The following DENND1A variants were observed in gnomAD, a reference collection of about 807,000 sequenced individuals.
DENND1A encodes the protein DENN domain-containing protein 1A.
DENND1A carries 51 observed loss-of-function variants against 113.7 expected under a neutral mutation model. That is an observed-to-expected ratio of 0.45 (90% confidence interval 0.36 to 0.57). The LOEUF (loss-of-function observed/expected upper bound fraction) is 0.57. Ranked by LOEUF, DENND1A falls within the 20% of genes least tolerant of loss-of-function variation. The pLI is 0.00. For missense variants in DENND1A, 1,258 were observed against 1,395.9 expected (o/e 0.90, Z 1.57); for synonymous variants, 565 against 570.8 (o/e 0.99, Z 0.14).
intron 1 of DENND1A, among the ~76,000 whole-genome samples, chr9:123,921,912 C>CTT (rs113646800): frequency 2.5e-4 from 36 of 143,764 alleles, no homozygotes; most frequent in African/African-American, 4.9e-4. Context: ...CAAAGCCATC[C>CTT]TTTTTTTTTT....
At position 123,387,788 on chromosome 9, in the gene DENND1A, C is replaced by T. The variant is rs961013242; in HGVS notation, c.1702G>A (p.Glu568Lys). Residue 568 changes from glutamate to lysine, a missense_variant, in exon 22 of 24, where the codon GAA becomes AAA. Physicochemically the swap from Glu to Lys is moderately conservative, Grantham distance 56 (BLOSUM62 1). Transcript: ENST00000394215. ...EDSSDDECQR[E>K]EGPSSGFTES... is the part of the protein sequence containing the mutation. The stretch of plus-strand genomic sequence containing the variant: ...GTGAAGCCAGAGCTCGGGCCCTCTT[C>T]CCGCTGGCATTCATCATCAGAGGAG... 1.6e-5 allele frequency: 20 copies of T among 1,289,834 alleles called. No individual in the cohort carries two copies. Among genetic ancestry groups the T allele is most frequent in the Non-Finnish European group, 1.8e-5 (18 of 988,906 alleles). The allele number at this position is 1,289,834 out of a possible 1,614,324, so 79.9% of individuals were successfully genotyped here.
chr9:123,845,652 C>A (rs1368835062), intron 2 of DENND1A, among the ~76,000 whole-genome samples: 2 of 97,132 alleles, frequency 2.1e-5, no homozygotes, highest in African/African-American at 9.0e-5. Flanking sequence ...CCTGGGTGAC[C>A]AAGTGAGAAC....
chr9:123,582,678 T>C (rs1195596195), intron 12 of DENND1A, among the ~76,000 whole-genome samples: 3 of 149,962 alleles, frequency 2.0e-5, no homozygotes, highest in Admixed American at 6.7e-5. Context: ...GGATTACAGG[T>C]GTGAGCCACT....
rs564460931 is a variant in DENND1A at position 123,916,363 on chromosome 9, C to T, written c.17+13526G>A. On this transcript the variant is annotated intron_variant, in intron 1 of 23. Transcript: ENST00000394215. ...GCAAGAGGAGATGTGAATATATCTA[C>T]GTATTTGCTTTTTTTTTTTTTTTTT... is the stretch of plus-strand genomic sequence containing the variant. Among the ~76,000 whole-genome samples the T allele has an allele frequency of 2.2e-3, 321 of 145,248 alleles. 4 individuals carry two copies. Among genetic ancestry groups the T allele is most frequent in the African/African-American group, 7.9e-3 (300 of 38,058 alleles).
At chr9:123,820,409 A>C (rs952848533) in intron 2 of DENND1A, among the ~76,000 whole-genome samples, 5 of 152,182 alleles carry the variant, frequency 3.3e-5, no homozygotes, top group Non-Finnish European at 5.9e-5. Flanking sequence ...CTCAGGCTGG[A>C]CTTCTGAATG....
chr9:123,858,808 C>T (rs1375552916), intron 2 of DENND1A, among the ~76,000 whole-genome samples: 2 of 152,028 alleles, frequency 1.3e-5, no homozygotes, highest in African/African-American at 2.4e-5. Context: ...ATTCCATAAA[C>T]AATTTGAAAT....
intron 11 of DENND1A, among the ~76,000 whole-genome samples, chr9:123,602,087 G>A (rs1036142538): frequency 3.9e-5 from 6 of 152,200 alleles, no homozygotes; most frequent in East Asian, 1.9e-4. Flanking sequence ...AATTACAGTC[G>A]TCTCTCAGTA....
intron 5 of DENND1A, among the ~76,000 whole-genome samples, chr9:123,708,118 T>C (rs1197529264): frequency 1.3e-5 from 2 of 152,010 alleles, no homozygotes; most frequent in African/African-American, 4.8e-5. Context: ...GGCTTCATAA[T>C]AGCAGTGTTT....
intron 1 of DENND1A, among the ~76,000 whole-genome samples, chr9:123,885,011 A>G (rs1319395210): frequency 1.3e-5 from 2 of 149,408 alleles, no homozygotes; most frequent in African/African-American, 5.1e-5. Flanking sequence ...ACACACACAC[A>G]CACACACACA....
intron 5 of DENND1A, among the ~76,000 whole-genome samples, chr9:123,724,298 A>G (rs1465816328): frequency 6.6e-6 from 1 of 152,188 alleles, no homozygotes; most frequent in Admixed American, 6.5e-5. Flanking sequence ...TGGAGCATCT[A>G]ATCAGCTTCT....
At chr9:123,535,840 C>T (rs891932936) in intron 13 of DENND1A, among the ~76,000 whole-genome samples, 3 of 152,118 alleles carry the variant, frequency 2.0e-5, no homozygotes, top group Non-Finnish European at 2.9e-5. Flanking sequence ...CATGTTTATT[C>T]TCTGTCTTCC....
At chr9:123,900,539 G>A (rs1851450559) in intron 1 of DENND1A, among the ~76,000 whole-genome samples, 1 of 151,938 alleles carries the variant, frequency 6.6e-6, no homozygotes, top group South Asian at 2.1e-4. Flanking sequence ...CCTAAAGAAT[G>A]AGCAGAAGTT....
chr9:123,473,695 T>A (rs1266586137), intron 13 of DENND1A, among the ~76,000 whole-genome samples: 1 of 152,188 alleles, frequency 6.6e-6, no homozygotes, highest in Non-Finnish European at 1.5e-5. Flanking sequence ...ACCACAACTT[T>A]CGGCCTGTTC....
intron 13 of DENND1A, among the ~76,000 whole-genome samples, chr9:123,477,586 C>T (rs1030146658): frequency 6.6e-6 from 1 of 151,314 alleles, no homozygotes; most frequent in Non-Finnish European, 1.5e-5. Flanking sequence ...TGGGGCCTGT[C>T]GGGGGAGGGT....
intron 5 of DENND1A, among the ~76,000 whole-genome samples, chr9:123,677,464 C>T (rs2064153438): frequency 6.6e-6 from 1 of 152,152 alleles, no homozygotes; most frequent in Admixed American, 6.5e-5. Context: ...GATGGAGTCT[C>T]ACTCTGTCAC....
intron 5 of DENND1A, among the ~76,000 whole-genome samples, chr9:123,689,163 TAC>T (rs2065010362): frequency 1.3e-5 from 2 of 152,126 alleles, no homozygotes; most frequent in African/African-American, 4.8e-5. Flanking sequence ...TAGCTGGGAT[TAC>T]AGGTGCATGC....
rs142987128 is a variant in DENND1A at position 123,479,536 on chromosome 9, C to T, written c.994-21639G>A. ...CCTGGAATTCCTGTAGTTTTCAGCCCGTTTGACCTGTGAGGTCTGAAGTGA... is the reference window on the plus strand; with the variant it reads ...CCTGGAATTCCTGTAGTTTTCAGCCTGTTTGACCTGTGAGGTCTGAAGTGA... On this transcript the variant is annotated intron_variant, in intron 13 of 23. Coordinates refer to ENST00000394215, the MANE Select transcript of DENND1A (RefSeq NM_001352964.2). 1.8e-3 allele frequency among the ~76,000 whole-genome samples: 273 copies of T among 152,314 alleles called. 1 individual carries two copies. The highest frequency in any genetic ancestry group is 5.6e-3 in the African/African-American group (233 of 41,558).
chr9:123,886,576 C>T (rs1299455043), intron 1 of DENND1A, among the ~76,000 whole-genome samples: 3 of 152,204 alleles, frequency 2.0e-5, no homozygotes, highest in African/African-American at 4.8e-5. Flanking sequence ...AAACTGTATA[C>T]ACTTCAGAAC....
rs781037070 is a variant in DENND1A at position 123,557,662 on chromosome 9, A to G, written c.901T>C (p.Ser301Pro). 1.2e-6 allele frequency: 2 copies of G among 1,614,082 alleles called. No individual in the cohort carries two copies. Among genetic ancestry groups the G allele is most frequent in the Non-Finnish European group, 1.7e-6 (2 of 1,179,962 alleles). The part of the protein sequence containing the change: ...SSLKNRLKKV[S>P]TTTGDGVARA... The stretch of plus-strand genomic sequence containing the variant: ...GCCACACCATCCCCAGTGGTTGTGG[A>G]GACCTTTTTCAGCCTGTTCTTCAGG... Residue 301 changes from serine (S) to proline (P), a missense_variant, in exon 13 of 24, where the codon TCC becomes CCC. Ser to Pro is a moderately conservative substitution (Grantham distance 74). Transcript: ENST00000394215.
Sources: allele counts gnomAD v4.1 joint callset (sites outside exome capture counted in the v4.1 genomes callset), GRCh38; gene constraint gnomAD v4.1.1; transcripts MANE v1.5; gene names NCBI Gene and HGNC (gene_info 2026-07-23, HGNC 2026-07-21).